The following PDE10A variants were observed in gnomAD, a reference collection of about 807,000 sequenced individuals.
PDE10A encodes the protein cAMP and cAMP-inhibited cGMP 3',5'-cyclic phosphodiesterase 10A.
Under a neutral mutation model 97.7 loss-of-function variants are expected in PDE10A, and 39 were observed. The observed-to-expected ratio is 0.40, with a 90% confidence interval of 0.31 to 0.52. PDE10A has a LOEUF of 0.52. Among genes scored for constraint, PDE10A ranks in the 20% least tolerant of loss-of-function variants. The pLI, the probability that PDE10A is intolerant of heterozygous loss-of-function variation, is 0.56. For synonymous variants in PDE10A, 371 were observed against 376.8 expected (o/e 0.98, Z 0.18); for missense variants, 731 against 1,047.8 (o/e 0.70, Z 4.17).
intron 1 of PDE10A, among the ~76,000 whole-genome samples, chr6:165,823,526 G>GTGA (rs1779640109): frequency 2.9e-5 from 1 of 34,728 alleles, no homozygotes; most frequent in East Asian, 6.8e-4. Flanking sequence ...ATATATATAT[G>GTGA]AACCTTAATT....
At chr6:165,629,998 T>C (rs922310142) in intron 1 of PDE10A, among the ~76,000 whole-genome samples, 1 of 152,178 alleles carries the variant, frequency 6.6e-6, no homozygotes, top group African/African-American at 2.4e-5. Context: ...ACTAGTTTTG[T>C]TGTGGTTTCA....
At chr6:165,784,940 G>A (rs1410307320) in intron 1 of PDE10A, among the ~76,000 whole-genome samples, 2 of 152,190 alleles carry the variant, frequency 1.3e-5, no homozygotes, top group Admixed American at 6.5e-5. Context: ...TCACAGAGAA[G>A]ACCAGGAACC....
chr6:165,648,408 C>T (rs925667472), intron 1 of PDE10A, among the ~76,000 whole-genome samples: 3 of 150,824 alleles, frequency 2.0e-5, no homozygotes, highest in Non-Finnish European at 3.0e-5. Context: ...AGCAGGATAT[C>T]GATTAAAAAA....
intron 1 of PDE10A, among the ~76,000 whole-genome samples, chr6:165,550,032 G>A (rs1040441406): frequency 6.6e-6 from 1 of 152,128 alleles, no homozygotes; most frequent in African/African-American, 2.4e-5. Context: ...CAAGTATCCA[G>A]TATATCCTTC....
intron 1 of PDE10A, among the ~76,000 whole-genome samples, chr6:165,750,963 A>G (rs1792985030): frequency 6.6e-6 from 1 of 152,180 alleles, no homozygotes; most frequent in African/African-American, 2.4e-5. Context: ...CTTCAGGTGT[A>G]ACAGCAGGAA....
At position 165,558,827 on chromosome 6, in the gene PDE10A, T is replaced by C. The variant is rs954770047; in HGVS notation, c.866-15259A>G. On this transcript the variant is annotated intron_variant, in intron 1 of 21. Coordinates refer to ENST00000539869, the MANE Select transcript of PDE10A (RefSeq NM_001385079.1). ...TGCTGCAAAGTCGATAAGGGTACAA[T>C]GAACACGTATATATACCTAATATAA... is the stretch of plus-strand genomic sequence containing the variant. Among the ~76,000 whole-genome samples the C allele has an allele frequency of 2.6e-5, 4 of 152,108 alleles. No homozygotes were observed. The East Asian group carries it at 7.7e-4, about 29-fold the overall frequency.
At chr6:165,504,057 G>A (rs776013790) in intron 2 of PDE10A, among the ~76,000 whole-genome samples, 1 of 152,072 alleles carries the variant, frequency 6.6e-6, no homozygotes, top group Non-Finnish European at 1.5e-5. Context: ...TGCAGAAAAG[G>A]CTGTATAATT....
chr6:165,752,068 G>T (rs551669502), intron 1 of PDE10A, among the ~76,000 whole-genome samples: 1 of 144,668 alleles, frequency 6.9e-6, no homozygotes, highest in Non-Finnish European at 1.5e-5. Context: ...ATGTGAACCC[G>T]GGAGCCGGAG....
chr6:165,945,558 G>T (rs979700114), intron 1 of PDE10A, among the ~76,000 whole-genome samples: 3 of 152,184 alleles, frequency 2.0e-5, no homozygotes, highest in African/African-American at 7.2e-5. Flanking sequence ...CTTCATGAAT[G>T]GGATTGGTGC....
intron 17 of PDE10A, 84 bp from the exon 18 acceptor site, chr6:165,379,450 A>T: frequency 9.1e-7 from 1 of 1,099,954 alleles, no homozygotes; most frequent in Middle Eastern, 2.1e-4. Flanking sequence ...GAAACTATAT[A>T]GTCAGTCAAT....
chr6:165,759,029 A>G (rs1357146292), intron 1 of PDE10A, among the ~76,000 whole-genome samples: 3 of 152,200 alleles, frequency 2.0e-5, no homozygotes, highest in Non-Finnish European at 2.9e-5. Context: ...GCCAAATGCT[A>G]GTGATGTCCG....
At chr6:165,811,233 AACACAAAAACAAAC>A (rs900549085) in intron 1 of PDE10A, among the ~76,000 whole-genome samples, 3 of 152,200 alleles carry the variant, frequency 2.0e-5, no homozygotes, top group African/African-American at 7.2e-5. Flanking sequence ...AAAAAAAACA[AACACAAAAACAAAC>A]ACACAAAAAA....
chr6:165,465,556 A>C (rs991805065), intron 3 of PDE10A, among the ~76,000 whole-genome samples: 4 of 152,180 alleles, frequency 2.6e-5, no homozygotes, highest in African/African-American at 9.7e-5. Flanking sequence ...ACCCAAGACT[A>C]GCTAATTTAT....
intron 1 of PDE10A, among the ~76,000 whole-genome samples, chr6:165,831,585 C>T (rs1473331181): frequency 6.7e-6 from 1 of 149,124 alleles, no homozygotes; most frequent in Non-Finnish European, 1.5e-5. Context: ...TCACGCCATT[C>T]TCCTGCCTCA....
At chr6:165,379,138 C>T in intron 18 of PDE10A, 56 bp downstream of exon 18, 1 of 1,163,728 alleles carries the variant, frequency 8.6e-7, no homozygotes, top group Non-Finnish European at 1.2e-6. Flanking sequence ...TCTTAAGTAT[C>T]AATTTATTCC....
intron 1 of PDE10A, among the ~76,000 whole-genome samples, chr6:165,897,936 G>T (rs1782000600): frequency 6.6e-6 from 1 of 152,026 alleles, no homozygotes; most frequent in Admixed American, 6.5e-5. Context: ...CCACCCAGGA[G>T]TAGAACCTGC....
At chr6:165,492,525 G>C (rs568014304) in intron 2 of PDE10A, among the ~76,000 whole-genome samples, 13 of 152,218 alleles carry the variant, frequency 8.5e-5, no homozygotes, top group Non-Finnish European at 1.6e-4. Context: ...TCATAGCAGG[G>C]ATGGTTTAAC....
At chr6:165,635,380 G>T (rs9459465) in intron 1 of PDE10A, among the ~76,000 whole-genome samples, 1 of 152,040 alleles carries the variant, frequency 6.6e-6, no homozygotes, top group African/African-American at 2.4e-5. Context: ...TTTTCATTTT[G>T]TAAGACTGAA....
At position 165,952,490 on chromosome 6, in the gene PDE10A, C is replaced by T. The variant is rs139300835; in HGVS notation, c.-615+35039G>A. Among the ~76,000 whole-genome samples the T allele has an allele frequency of 7.0e-3, 1,071 of 152,304 alleles. 8 individuals are homozygous for T. Among genetic ancestry groups the T allele is most frequent in the Non-Finnish European group, 0.012 (837 of 68,022 alleles). On this transcript the variant is annotated intron_variant, in intron 1 of 19. Coordinates refer to the PDE10A transcript ENST00000366882. ...TCTTAGTTTTACACACACACATTTG[C>T]AAATTCAATTCTAAAACATGCAGAC...
Sources: allele counts gnomAD v4.1 joint callset (sites outside exome capture counted in the v4.1 genomes callset), GRCh38; gene constraint gnomAD v4.1.1; transcripts MANE v1.5; gene names NCBI Gene and HGNC (gene_info 2026-07-23, HGNC 2026-07-21).